RABGEF1: variants seen among roughly 807,000 people sequenced by gnomAD.
The protein encoded by RABGEF1 is rab5 GDP/GTP exchange factor.
RABGEF1 carries 26 observed loss-of-function variants against 57.3 expected under a neutral mutation model. That is an observed-to-expected ratio of 0.45 (90% CI 0.33 to 0.63). RABGEF1 has a LOEUF of 0.63. Ranked by LOEUF, RABGEF1 falls within the 20% of genes least tolerant of loss-of-function variation. The pLI is 0.02. For synonymous variants in RABGEF1, 185 were observed against 210.7 expected, an observed-to-expected ratio of 0.88 and a Z score of 1.06; for missense variants, 464 against 607.6, an observed-to-expected ratio of 0.76 and a Z score of 2.48.
chr7:66,702,693 T>C (rs1032252151), intron 1 of RABGEF1, among the ~76,000 whole-genome samples: 1 of 152,172 alleles, frequency 6.6e-6, no homozygotes, highest in African/African-American at 2.4e-5. Flanking sequence ...TGGTGTCTTA[T>C]TGTGGTTTTC....
Position 66,776,975 on chromosome 7 carries a change from A to G in RABGEF1, c.346+1582A>G, listed in dbSNP as rs542788806. On this transcript the variant is annotated intron_variant, in intron 3 of 8. Coordinates refer to ENST00000284957, the MANE Select transcript of RABGEF1 (RefSeq NM_014504.3). ...ACTAACCTCTCCGAGTCCTGTCCAC[A>G]CTGAGGGACAATAATACCTACCAGA... Among the ~76,000 whole-genome samples the G allele has an allele frequency of 1.4e-4, 22 of 152,296 alleles. 1 individual carries two copies. Among genetic ancestry groups the G allele is most frequent in the African/African-American group, 5.3e-4 (22 of 41,562 alleles).
At chr7:66,738,969 TGAG>T (rs994651213), upstream of RABGEF1, among the ~76,000 whole-genome samples, 6 of 152,236 alleles carry the variant, frequency 3.9e-5, no homozygotes, top group Admixed American at 1.3e-4. Flanking sequence ...TTTTGTTTTT[TGAG>T]GAGGAGTTTC....
the RABGEF1 span, among the ~76,000 whole-genome samples, chr7:66,672,387 G>A: frequency 2.0e-5 from 3 of 152,058 alleles, no homozygotes; most frequent in African/African-American, 4.8e-5. Context: ...AGCCGAGATC[G>A]TGCCACTGCA....
chr7:66,676,531 C>T, the RABGEF1 span, among the ~76,000 whole-genome samples: 1 of 152,180 alleles, frequency 6.6e-6, no homozygotes, highest in Non-Finnish European at 1.5e-5. Flanking sequence ...AGTGGACCTA[C>T]GCAGTTCGGA....
chr7:66,790,945 C>G (rs1812510178), intron 4 of RABGEF1, among the ~76,000 whole-genome samples: 1 of 152,204 alleles, frequency 6.6e-6, no homozygotes, highest in Non-Finnish European at 1.5e-5. Context: ...TTTGGGAATT[C>G]TGCTTTTTGG....
chr7:66,733,689 C>T (rs1797603667), intron 2 of RABGEF1, among the ~76,000 whole-genome samples: 1 of 111,000 alleles, frequency 9.0e-6, no homozygotes. Context: ...CAGAGTGAGG[C>T]TCCATCTCAA....
intron 4 of RABGEF1, among the ~76,000 whole-genome samples, chr7:66,793,865 G>A (rs1339681769): frequency 6.6e-6 from 1 of 152,152 alleles, no homozygotes; most frequent in Non-Finnish European, 1.5e-5. Context: ...AGGATGTATC[G>A]GCCCTTGGCG....
intron 1 of RABGEF1, among the ~76,000 whole-genome samples, chr7:66,686,173 C>T (rs962295964): frequency 1.3e-5 from 2 of 151,412 alleles, no homozygotes; most frequent in Admixed American, 6.6e-5. Flanking sequence ...CTCAGCTACT[C>T]GGGAGTCTGA....
At chr7:66,749,976 A>G (rs1435665645) in intron 1 of RABGEF1, among the ~76,000 whole-genome samples, 4 of 152,110 alleles carry the variant, frequency 2.6e-5, no homozygotes, top group African/African-American at 7.2e-5. Flanking sequence ...TCCATCTCAA[A>G]AACAAACAAA....
At chr7:66,694,025 T>A (rs144908253) in intron 1 of RABGEF1, among the ~76,000 whole-genome samples, 2 of 152,260 alleles carry the variant, frequency 1.3e-5, no homozygotes, top group East Asian at 3.9e-4. Flanking sequence ...GCCAGGCTGG[T>A]CTCGAACTCC....
chr7:66,694,746 G>T (rs552575801), intron 1 of RABGEF1, among the ~76,000 whole-genome samples: 197 of 152,326 alleles, frequency 1.3e-3, no homozygotes, highest in Admixed American at 3.9e-3. Context: ...GGGACAGAGG[G>T]TGGAGGGGAG....
chr7:66,714,465 C>CT (rs1220258517), intron 2 of RABGEF1, among the ~76,000 whole-genome samples: 46 of 152,210 alleles, frequency 3.0e-4, no homozygotes, highest in Middle Eastern at 6.8e-3. Flanking sequence ...TCTTTTCTCT[C>CT]TTTTTTTGTT....
At chr7:66,693,768 C>T (rs1468478400) in intron 1 of RABGEF1, among the ~76,000 whole-genome samples, 4 of 151,970 alleles carry the variant, frequency 2.6e-5, no homozygotes, top group South Asian at 4.1e-4. Flanking sequence ...ATTCATTATT[C>T]ATGCATTCTT....
At chr7:66,727,902 GC>G (rs776574418) in intron 2 of RABGEF1, among the ~76,000 whole-genome samples, 69 of 152,258 alleles carry the variant, frequency 4.5e-4, no homozygotes, top group South Asian at 1.7e-3. Context: ...TGCCTCTGGA[GC>G]CTTTTGCCAC....
chr7:66,723,413 G>A lies in RABGEF1; in HGVS notation c.-815+11189G>A, dbSNP rs116418974. On this transcript the variant is annotated intron_variant and NMD_transcript_variant, in intron 2 of 9. Transcript: ENST00000607882. ...TTAACTTTTCACAATCTACCCTTAC[G>A]TTGCGTTTAACACTTCATGAATAAT... 7.5e-3 allele frequency among the ~76,000 whole-genome samples: 1,138 copies of A among 152,148 alleles called. 16 individuals are homozygous for A. The highest frequency in any genetic ancestry group is 0.026 in the African/African-American group (1,070 of 41,480).
chr7:66,673,516 G>C, the RABGEF1 span, among the ~76,000 whole-genome samples: 1 of 151,136 alleles, frequency 6.6e-6, no homozygotes, highest in Admixed American at 6.6e-5. Flanking sequence ...TTATGACATA[G>C]AGATAAGATA....
At chr7:66,732,337 G>T (rs1013393959) in intron 2 of RABGEF1, among the ~76,000 whole-genome samples, 4 of 152,230 alleles carry the variant, frequency 2.6e-5, no homozygotes, top group African/African-American at 4.8e-5. Flanking sequence ...CCAGGGTTGG[G>T]CTCAGGCCTG....
intron 2 of RABGEF1, among the ~76,000 whole-genome samples, chr7:66,773,153 A>G (rs562492954): frequency 1.3e-5 from 2 of 151,400 alleles, no homozygotes; most frequent in Non-Finnish European, 2.9e-5. Context: ...TAGTGAACTC[A>G]GAGAATTAGA....
intron 1 of RABGEF1, among the ~76,000 whole-genome samples, chr7:66,751,265 A>G (rs1042230769): frequency 5.9e-5 from 9 of 152,158 alleles, no homozygotes; most frequent in African/African-American, 2.2e-4. Flanking sequence ...TCCTGACCTC[A>G]GGTGATCCGC....
Sources: allele counts gnomAD v4.1 joint callset (sites outside exome capture counted in the v4.1 genomes callset), GRCh38; gene constraint gnomAD v4.1.1; transcripts MANE v1.5; gene names NCBI Gene and HGNC (gene_info 2026-07-23, HGNC 2026-07-21).